Variants in GSG1L observed in about 807,000 individuals in gnomAD.
GSG1L encodes the protein GSG1 like, also known as germ cell-specific gene 1-like protein.
GSG1L carries 24 observed loss-of-function variants against 42.1 expected under a neutral mutation model. The ratio of observed to expected loss-of-function variants is 0.57; its 90% CI spans 0.41 to 0.80. The LOEUF (loss-of-function observed/expected upper bound fraction) is 0.80. Among genes scored for constraint, GSG1L ranks in the 30% least tolerant of loss-of-function variants. The pLI, the probability that GSG1L is intolerant of heterozygous loss-of-function variation, is 0.00. For missense variants in GSG1L, 445 were observed against 472.2 expected (o/e 0.94, Z 0.53); for synonymous variants, 215 against 203.5 (o/e 1.06, Z -0.48).
intron 2 of GSG1L, among the ~76,000 whole-genome samples, chr16:27,940,719 G>A (rs8047661): frequency 9.3e-6 from 1 of 107,544 alleles, no homozygotes; most frequent in South Asian, 3.3e-4. Context: ...GGGGGGAGTG[G>A]GGAGGGATAG....
chr16:27,825,380 T>C (rs2083198109), intron 5 of GSG1L, among the ~76,000 whole-genome samples: 1 of 151,952 alleles, frequency 6.6e-6, no homozygotes, highest in South Asian at 2.1e-4. Flanking sequence ...TATGAAAAAA[T>C]AGAAATGGTG....
chr16:27,945,175 G>A (rs1250232001), intron 2 of GSG1L, among the ~76,000 whole-genome samples: 1 of 151,912 alleles, frequency 6.6e-6, no homozygotes, highest in Admixed American at 6.6e-5. Flanking sequence ...TTCCTTTTCA[G>A]GTTGATGAAA....
chr16:27,790,198 AATAG>A lies in GSG1L; in HGVS notation c.*1168_*1171del, dbSNP rs2082736608. On this transcript the variant is annotated 3_prime_UTR_variant, in exon 7 of 7. Coordinates refer to ENST00000447459, the MANE Select transcript of GSG1L (RefSeq NM_001109763.2). ...GATAATAGATGATGAATGGGTGGAT[AATAG>A]ATGGACGAATGATGAATGGATGGAT... 1 of 151,648 alleles carries A rather than the reference AATAG, an allele frequency of 6.6e-6. No homozygotes were observed. The highest frequency in any genetic ancestry group is 1.5e-5 in the Non-Finnish European group (1 of 67,894). The allele number at this position is 151,648 out of a possible 1,614,324, so 9.4% of individuals were successfully genotyped here.
chr16:27,976,068 C>A (rs4788020), intron 1 of GSG1L, among the ~76,000 whole-genome samples: 39,195 of 152,012 alleles, frequency 0.26, 5,400 homozygotes, highest in East Asian at 0.49. Context: ...TGAGGTCAGG[C>A]GTTCGAGACC....
intron 1 of GSG1L, among the ~76,000 whole-genome samples, chr16:28,013,707 G>A (rs1417306434): frequency 3.3e-5 from 5 of 152,170 alleles, no homozygotes; most frequent in East Asian, 3.8e-4. Context: ...GACCCCAAGC[G>A]CCACGTTAAG....
At chr16:28,037,765 T>C (rs553740908) in intron 1 of GSG1L, among the ~76,000 whole-genome samples, 2 of 152,356 alleles carry the variant, frequency 1.3e-5, no homozygotes, top group East Asian at 3.9e-4. Flanking sequence ...CTCTCACATG[T>C]TGCTGGACTC....
chr16:27,808,958 G>A (rs2140945359), intron 5 of GSG1L, among the ~76,000 whole-genome samples: 1 of 152,322 alleles, frequency 6.6e-6, no homozygotes, highest in East Asian at 1.9e-4. Context: ...GCGTCCCACT[G>A]ATGGCTGGGC....
chr16:28,053,572 C>T (rs2086243162), intron 1 of GSG1L, among the ~76,000 whole-genome samples: 1 of 152,196 alleles, frequency 6.6e-6, no homozygotes, highest in Admixed American at 6.5e-5. Context: ...GAGTCACTTC[C>T]CCTGTAGGGG....
At chr16:27,910,843 A>G (rs1030431651) in intron 2 of GSG1L, among the ~76,000 whole-genome samples, 1 of 152,246 alleles carries the variant, frequency 6.6e-6, no homozygotes, top group Non-Finnish European at 1.5e-5. Context: ...GTGAAAGCCC[A>G]TATCTACAAA....
At chr16:27,927,785 A>T (rs1337585690) in intron 2 of GSG1L, among the ~76,000 whole-genome samples, 1 of 152,076 alleles carries the variant, frequency 6.6e-6, no homozygotes, top group African/African-American at 2.4e-5. Context: ...CATGCTTCTT[A>T]ACCCTGGCCA....
chr16:27,911,266 G>GTTCGCTCTCTCTCTCT (rs2084384670), intron 2 of GSG1L, among the ~76,000 whole-genome samples: 1 of 122,058 alleles, frequency 8.2e-6, no homozygotes, highest in African/African-American at 3.5e-5. Context: ...CCTCTCTCTC[G>GTTCGCTCTCTCTCTCT]CTCTCTCTCT....
At chr16:27,891,244 C>T (rs777499415) in intron 2 of GSG1L, among the ~76,000 whole-genome samples, 5 of 152,190 alleles carry the variant, frequency 3.3e-5, no homozygotes, top group Non-Finnish European at 5.9e-5. Context: ...TGAATCACAA[C>T]GTTAAACTGT....
At position 27,890,269 on chromosome 16, in the gene GSG1L, A is replaced by G. The variant is rs527544809; in HGVS notation, c.398-5631T>C. Among the ~76,000 whole-genome samples, 3 of 152,326 alleles carry G rather than the reference A, an allele frequency of 2.0e-5. No individual in the cohort carries two copies. In the East Asian group the frequency reaches 5.8e-4, roughly 29 times the overall value. On this transcript the variant is annotated intron_variant, in intron 2 of 6. Transcript: ENST00000447459. Reference sequence around the variant, plus strand: ...CTTCGGTTCTCAGGGATGCCATACCAGCCAGCCACCAGGCATGATGGGGAA... The same window carrying G: ...CTTCGGTTCTCAGGGATGCCATACCGGCCAGCCACCAGGCATGATGGGGAA...
Position 27,898,866 on chromosome 16 carries a change from C to A in GSG1L, c.398-14228G>T, listed in dbSNP as rs561248685. Among the ~76,000 whole-genome samples the A allele has an allele frequency of 1.0e-3, 152 of 152,316 alleles. 2 individuals carry two copies. Among genetic ancestry groups the A allele is most frequent in the South Asian group, 1.9e-3 (9 of 4,828 alleles). ...CTTTTGAAAACATGGAAGACCAGGG[C>A]CATATTCCCACATGGAAATAGTGGC... On this transcript the variant is annotated intron_variant, in intron 2 of 6. Transcript: ENST00000447459.
In GSG1L at chr16:27,808,421, C is replaced by CTT. The variant is rs11388084; in HGVS notation, c.831-869_831-868dup. 8.0e-3 allele frequency among the ~76,000 whole-genome samples: 1,131 copies of CTT among 141,780 alleles called. 12 individuals carry two copies. The highest frequency in any genetic ancestry group is 0.018 in the Middle Eastern group (5 of 272). The allele number at this position is 141,780 out of a possible 152,430, so 93.0% of individuals were successfully genotyped here. A position where few individuals can be genotyped will look rare whatever the true frequency, so the allele number is the denominator to read the frequency against. Reference sequence around the variant, plus strand: ...ATTTCTTAACTACATTAAAACACATCTTTTTTTTTTTTTTTGACATGGAGT... The same window carrying CTT: ...ATTTCTTAACTACATTAAAACACATCTTTTTTTTTTTTTTTTTGACATGGAGT... On this transcript the variant is annotated intron_variant, in intron 5 of 6. Transcript: ENST00000447459.
intron 2 of GSG1L, among the ~76,000 whole-genome samples, chr16:27,927,088 T>C (rs2084602288): frequency 6.6e-6 from 1 of 152,116 alleles, no homozygotes; most frequent in Non-Finnish European, 1.5e-5. Context: ...CCATGTCCTC[T>C]CGAAGCCCCT....
intron 1 of GSG1L, among the ~76,000 whole-genome samples, chr16:28,002,931 G>A (rs1006040587): frequency 1.3e-5 from 2 of 150,222 alleles, no homozygotes; most frequent in South Asian, 4.1e-4. Context: ...GCGAGACTCC[G>A]TCTCAGAAAA....
At position 27,948,621 on chromosome 16, in the gene GSG1L, T is replaced by C. The variant is rs1014476829; in HGVS notation, c.397+14535A>G. On this transcript the variant is annotated intron_variant, in intron 2 of 6. Coordinates refer to ENST00000447459, the MANE Select transcript of GSG1L (RefSeq NM_001109763.2). Reference sequence around the variant, plus strand: ...ACTTCTTCTTCTTCTTTTTTTTTTTTTTTTTTGAGATGGAGTCTCGCTCTG... The same window carrying C: ...ACTTCTTCTTCTTCTTTTTTTTTTTCTTTTTTGAGATGGAGTCTCGCTCTG... Among the ~76,000 whole-genome samples, 77 of 149,734 alleles carry C rather than the reference T, an allele frequency of 5.1e-4. 1 individual carries two copies. Among genetic ancestry groups the C allele is most frequent in the East Asian group, 9.8e-4 (5 of 5,122 alleles).
intron 2 of GSG1L, among the ~76,000 whole-genome samples, chr16:27,915,849 G>A (rs2084449323): frequency 6.6e-6 from 1 of 152,294 alleles, no homozygotes; most frequent in Non-Finnish European, 1.5e-5. Flanking sequence ...CAGCAGAGAG[G>A]TTAAAGGAAC....
Sources: gnomAD v4.1 joint callset for allele counts (sites outside exome capture counted in the v4.1 genomes callset) on GRCh38, gnomAD v4.1.1 for gene constraint, MANE v1.5 for transcripts, NCBI Gene and HGNC (gene_info 2026-07-23, HGNC 2026-07-21) for gene names.